Variants in ACKR2 observed in about 807,000 individuals in gnomAD.
The protein encoded by ACKR2 is C-C chemokine receptor D6.
For synonymous variants in ACKR2, 207 were observed against 192.2 expected (o/e 1.08, Z -0.64); for missense variants, 457 against 477.3 (o/e 0.96, Z 0.40).
chr3:42,848,419 T>C (rs925556329), intron 2 of ACKR2, among the ~76,000 whole-genome samples: 19 of 152,168 alleles, frequency 1.2e-4, no homozygotes, highest in African/African-American at 4.6e-4. Context: ...GGTTTCGCCA[T>C]GTTGCCCAGG....
intron 2 of ACKR2, among the ~76,000 whole-genome samples, chr3:42,840,503 C>T (rs1444789624): frequency 6.6e-6 from 1 of 152,118 alleles, no homozygotes; most frequent in East Asian, 1.9e-4. Context: ...ATCACCTTTA[C>T]TCAGGTGCTA....
intron 2 of ACKR2, among the ~76,000 whole-genome samples, chr3:42,830,547 A>G (rs1167270996): frequency 2.0e-5 from 3 of 152,210 alleles, no homozygotes; most frequent in African/African-American, 7.2e-5. Flanking sequence ...ATATGGAGCA[A>G]TAGTGACTCT....
At chr3:42,850,382 G>A (rs1457468459) in intron 2 of ACKR2, among the ~76,000 whole-genome samples, 1 of 152,088 alleles carries the variant, frequency 6.6e-6, no homozygotes. Flanking sequence ...TGCAAAAACC[G>A]AGGCCCAGAG....
intron 2 of ACKR2, among the ~76,000 whole-genome samples, chr3:42,834,280 A>G (rs1367792494): frequency 1.2e-4 from 19 of 152,066 alleles, no homozygotes; most frequent in Non-Finnish European, 2.4e-4. Context: ...TTATACCGCT[A>G]TGGTGATCTG....
chr3:42,849,738 C>T (rs906728963), intron 2 of ACKR2, among the ~76,000 whole-genome samples: 9 of 152,228 alleles, frequency 5.9e-5, no homozygotes, highest in Admixed American at 3.3e-4. Flanking sequence ...TGGCCACATG[C>T]GATTGGCTGA....
chr3:42,819,072 T>C (rs1158421113), intron 1 of ACKR2, among the ~76,000 whole-genome samples: 2 of 152,298 alleles, frequency 1.3e-5, no homozygotes, highest in Admixed American at 1.3e-4. Flanking sequence ...CCTCTTTTAC[T>C]TGTTCTGAAG....
intron 2 of ACKR2, among the ~76,000 whole-genome samples, chr3:42,820,873 T>C (rs959309544): frequency 2.0e-5 from 3 of 149,430 alleles, no homozygotes; most frequent in Non-Finnish European, 4.4e-5. Flanking sequence ...TTAAGGACAG[T>C]TCATCAATAG....
At chr3:42,814,187 CAA>C (rs1429779867) in intron 1 of ACKR2, among the ~76,000 whole-genome samples, 1 of 152,202 alleles carries the variant, frequency 6.6e-6, no homozygotes, top group Non-Finnish European at 1.5e-5. Flanking sequence ...AAGAAAATGA[CAA>C]TGACACACTT....
intron 2 of ACKR2, among the ~76,000 whole-genome samples, chr3:42,838,235 C>G (rs747738878): frequency 3.3e-5 from 5 of 151,942 alleles, no homozygotes; most frequent in African/African-American, 7.3e-5. Flanking sequence ...TCAAAAGACA[C>G]TAAGAGAATA....
intron 2 of ACKR2, among the ~76,000 whole-genome samples, chr3:42,828,092 A>ATATATTTTTTTTTT (rs1193533555): frequency 8.2e-5 from 10 of 121,898 alleles, no homozygotes; most frequent in Non-Finnish European, 1.0e-4. Context: ...ATATATATAT[A>ATATATTTTTTTTTT]TTTTTTTTTT....
At chr3:42,838,127 G>A (rs182000152) in intron 2 of ACKR2, among the ~76,000 whole-genome samples, 2 of 152,142 alleles carry the variant, frequency 1.3e-5, no homozygotes, top group Non-Finnish European at 1.5e-5. Flanking sequence ...TATGACATTA[G>A]GGTAAGCAAA....
In ACKR2 at chr3:42,865,830, A is replaced by T; in HGVS notation, c.*173A>T. ...CCCGCCTTCTTCCTCCACTTTCTTC[A>T]CTTGCTTCCAGGATACCACGCTTTC... On this transcript the variant is annotated 3_prime_UTR_variant, in exon 3 of 3. Coordinates refer to ENST00000422265, the MANE Select transcript of ACKR2 (RefSeq NM_001296.5). 1 of 569,730 alleles carries T rather than the reference A, an allele frequency of 1.8e-6. No individual in the cohort carries two copies. The highest frequency in any genetic ancestry group is 3.1e-6 in the Non-Finnish European group (1 of 318,402). The allele number at this position is 569,730 out of a possible 1,614,324, so 35.3% of individuals were successfully genotyped here.
intron 2 of ACKR2, among the ~76,000 whole-genome samples, chr3:42,834,905 G>A (rs1262109564): frequency 6.6e-6 from 1 of 151,152 alleles, no homozygotes; most frequent in South Asian, 2.1e-4. Context: ...TATTTTTTGA[G>A]ACAGTTTCTC....
At chr3:42,827,224 A>T (rs1700877288) in intron 2 of ACKR2, among the ~76,000 whole-genome samples, 1 of 152,146 alleles carries the variant, frequency 6.6e-6, no homozygotes. Context: ...TACTTATATC[A>T]GTTTTAGGTA....
At chr3:42,854,790 A>AGCCCTG (rs891148144) in intron 2 of ACKR2, among the ~76,000 whole-genome samples, 1 of 151,820 alleles carries the variant, frequency 6.6e-6, no homozygotes. Flanking sequence ...AAGGGAGGTG[A>AGCCCTG]GCCCTGGATA....
intron 1 of ACKR2, among the ~76,000 whole-genome samples, chr3:42,810,417 A>C (rs1396697837): frequency 6.7e-6 from 1 of 148,496 alleles, no homozygotes; most frequent in African/African-American, 2.5e-5. Context: ...ACCCCCCCCC[A>C]ATTTTTCTCC....
At chr3:42,825,581 G>A (rs1700854166) in intron 2 of ACKR2, among the ~76,000 whole-genome samples, 1 of 150,604 alleles carries the variant, frequency 6.6e-6, no homozygotes, top group African/African-American at 2.4e-5. Context: ...GCTCTGATGT[G>A]TGTGTGTGTG....
At chr3:42,838,139 A>T (rs1044919359) in intron 2 of ACKR2, among the ~76,000 whole-genome samples, 1 of 152,222 alleles carries the variant, frequency 6.6e-6, no homozygotes, top group African/African-American at 2.4e-5. Context: ...GTAAGCAAAG[A>T]TTTCTTAGTT....
chr3:42,865,636 T>A lies in ACKR2; in HGVS notation c.1134T>A (p.Asp378Glu), dbSNP rs373863872. 5 of 1,611,454 alleles carry A rather than the reference T, an allele frequency of 3.1e-6. No homozygotes were observed. The highest frequency in any genetic ancestry group is 4.2e-6 in the Non-Finnish European group (5 of 1,178,552). Reference sequence around the variant, plus strand: ...CTGAGAACTACCCTAACAAGGAGGATGTGGGGAATAAATCAGCCTGAGTGA... The same window carrying A: ...CTGAGAACTACCCTAACAAGGAGGAAGTGGGGAATAAATCAGCCTGAGTGA... The part of the protein sequence containing the change: ...RQSENYPNKE[D>E]VGNKSA The change falls in exon 3 of 3, where the codon GAT (aspartate) becomes GAA (glutamate). Residue 378 changes from aspartate to glutamate, a missense_variant. Physicochemically the swap from Asp to Glu is conservative, Grantham distance 45 (BLOSUM62 2). Coordinates refer to ENST00000422265, the MANE Select transcript of ACKR2 (RefSeq NM_001296.5).
Sources: allele counts gnomAD v4.1 joint callset (sites outside exome capture counted in the v4.1 genomes callset), GRCh38; gene constraint gnomAD v4.1.1; transcripts MANE v1.5; gene names NCBI Gene and HGNC (gene_info 2026-07-23, HGNC 2026-07-21).